PRMT2: variants seen among roughly 807,000 people sequenced by gnomAD.
PRMT2 encodes protein arginine N-methyltransferase 2.
PRMT2 carries 26 observed loss-of-function variants against 57.6 expected under a neutral mutation model. The observed-to-expected ratio is 0.45, with a 90% CI of 0.33 to 0.63. PRMT2 has a LOEUF of 0.63. Among genes scored for constraint, PRMT2 ranks in the 20% least tolerant of loss-of-function variants. The probability of loss-of-function intolerance (pLI) is 0.02; values close to 1 mark genes in which losing one functional copy is unlikely to be tolerated. For missense variants in PRMT2, 472 were observed against 564.4 expected (o/e 0.84, Z 1.66); for synonymous variants, 219 against 220.0 (o/e 1.00, Z 0.04).
rs146824165 is a variant in PRMT2, at chr21:46,644,416, G to A, written c.255G>A (p.Gly85=). The A allele has an allele frequency of 1.5e-4, 243 of 1,612,196 alleles. No homozygotes were observed. The highest frequency in any genetic ancestry group is 1.9e-4 in the Non-Finnish European group (223 of 1,179,302). Residue 85 remains glycine, a synonymous_variant, in exon 5 of 12, where the codon GGG becomes GGA. Coordinates refer to ENST00000355680, the MANE Select transcript of PRMT2 (RefSeq NM_206962.4). Reference sequence around the variant, plus strand: ...GGTACATTCCGGCAAACCATGTGGGGAAGCACGTGGATGAGTACGACCCCG... The same window carrying A: ...GGTACATTCCGGCAAACCATGTGGGAAAGCACGTGGATGAGTACGACCCCG... ...CCGYIPANHV[G]KHVDEYDPED...
intron 11 of PRMT2, 31 bp from the exon 12 acceptor site, chr21:46,664,264 T>G: frequency 6.6e-7 from 1 of 1,524,780 alleles, no homozygotes; most frequent in East Asian, 2.2e-5. Flanking sequence ...ATTTATCATC[T>G]GATTGACCTG....
At chr21:46,661,131 T>TCAC in intron 9 of PRMT2, 169 bp downstream of exon 9, 3 of 649,650 alleles carry the variant, frequency 4.6e-6, no homozygotes, top group Non-Finnish European at 7.0e-6. Flanking sequence ...CTACTGATTT[T>TCAC]TTCCAGTCTT....
chr21:46,651,937 C>A (rs369966297), intron 7 of PRMT2: 9 of 1,613,182 alleles, frequency 5.6e-6, no homozygotes, highest in Non-Finnish European at 7.6e-6. Context: ...TCCTTGCCTG[C>A]TGTCTGCCTG....
intron 3 of PRMT2, among the ~76,000 whole-genome samples, chr21:46,642,237 TGAAA>T (rs1248072912): frequency 4.6e-5 from 7 of 152,356 alleles, no homozygotes; most frequent in African/African-American, 1.7e-4. Flanking sequence ...TGATTTATGT[TGAAA>T]GAAGTTCATC....
At chr21:46,647,768 A>G (rs995888262) in intron 5 of PRMT2, among the ~76,000 whole-genome samples, 5 of 152,242 alleles carry the variant, frequency 3.3e-5, no homozygotes, top group Non-Finnish European at 7.3e-5. Context: ...TATGCCCACA[A>G]ATCTCCAGCG....
chr21:46,664,288 T>C lies in PRMT2; in HGVS notation c.1270-7T>C. The stretch of plus-strand genomic sequence containing the variant: ...CTGATTGACCTGTTGTCATTTATCT[T>C]TTTCAGGTTGGAGAAAAAGTCTTCC... On this transcript the variant is annotated splice_polypyrimidine_tract_variant and splice_region_variant and intron_variant, in intron 11 of 11. Coordinates refer to ENST00000355680, the MANE Select transcript of PRMT2 (RefSeq NM_206962.4). The C allele has an allele frequency of 6.2e-7, 1 of 1,607,208 alleles. No individual in the cohort carries two copies.
At chr21:46,644,869 GAT>G (rs1251209738) in intron 5 of PRMT2, among the ~76,000 whole-genome samples, 2 of 152,084 alleles carry the variant, frequency 1.3e-5, no homozygotes, top group African/African-American at 4.8e-5. Flanking sequence ...CTGGCTTAGA[GAT>G]ATGATTTGAG....
In PRMT2 at chr21:46,648,658, G is replaced by A. The variant is rs369870403; in HGVS notation, c.489+39G>A. ...CGAGCGCATCCCGGGTGTTTGTGCC[G>A]AGGCTGGTGACGTCCGAGGTGGCCT... On this transcript the variant is annotated intron_variant, in intron 6 of 11. Transcript: ENST00000355680. The surrounding 1 kb of genome is among the most constrained non-coding windows in gnomAD (Gnocchi z 4.8). The A allele has an allele frequency of 6.2e-6, 10 of 1,601,340 alleles. No individual in the cohort carries two copies. The highest frequency in any genetic ancestry group is 2.7e-5 in the African/African-American group (2 of 74,714).
At chr21:46,637,102 GC>G in intron 3 of PRMT2, 112 bp downstream of exon 3, 1 of 1,061,744 alleles carries the variant, frequency 9.4e-7, no homozygotes, top group South Asian at 1.4e-5. Flanking sequence ...TTGGAAGGTG[GC>G]CACCGGCAGT....
At chr21:46,663,222 T>G (rs1454601998) in intron 10 of PRMT2, among the ~76,000 whole-genome samples, 161 bp from the exon 11 acceptor site, 1 of 152,214 alleles carries the variant, frequency 6.6e-6, no homozygotes, top group East Asian at 1.9e-4. Flanking sequence ...TGAGTTAGCC[T>G]GAAAAGCCAA....
At chr21:46,659,015 G>T (rs2061581496) in intron 8 of PRMT2, 95 bp downstream of exon 8, 1 of 1,487,180 alleles carries the variant, frequency 6.7e-7, no homozygotes, top group Non-Finnish European at 9.0e-7. Flanking sequence ...CCATACGACG[G>T]TTGGATAAAT....
At position 46,649,801 on chromosome 21, in the gene PRMT2, G is replaced by A. The variant is rs773978142; in HGVS notation, c.654+62G>A. On this transcript the variant is annotated intron_variant, in intron 7 of 11. Coordinates refer to ENST00000355680, the MANE Select transcript of PRMT2 (RefSeq NM_206962.4). The surrounding 1 kb of genome is among the most constrained non-coding windows in gnomAD (Gnocchi z 4.8). The stretch of plus-strand genomic sequence containing the variant: ...TGGGGGGCTTCTGAGCACGGGCTCG[G>A]CTGGGCCAACCTCAGGATCTCAAGG... 28 of 1,573,206 alleles carry A rather than the reference G, an allele frequency of 1.8e-5. No individual in the cohort carries two copies. In the South Asian group the frequency reaches 3.2e-4, roughly 18 times the overall value.
At chr21:46,642,289 A>G (rs1321985097) in intron 3 of PRMT2, among the ~76,000 whole-genome samples, 2 of 152,248 alleles carry the variant, frequency 1.3e-5, no homozygotes, top group Admixed American at 6.5e-5. Context: ...GAAAAGTCTA[A>G]ATGTACAAGA....
intron 3 of PRMT2, among the ~76,000 whole-genome samples, chr21:46,641,964 A>G (rs919989638): frequency 6.6e-6 from 1 of 152,186 alleles, no homozygotes; most frequent in Non-Finnish European, 1.5e-5. Context: ...AGATGCCAGC[A>G]AGTATTTTAA....
rs145632583 is a variant in PRMT2 at position 46,648,919 on chromosome 21, A to T, written c.489+300A>T. Among the ~76,000 whole-genome samples, 64 of 152,276 alleles carry T rather than the reference A, an allele frequency of 4.2e-4. No homozygotes were observed. In the East Asian group the frequency reaches 0.012, roughly 28 times the overall value. Reference sequence around the variant, plus strand: ...GCGGGGTATGTTCTGTGAGACGTTTATTTCAGTTGAGTAGAGAAACACGTG... The same window carrying T: ...GCGGGGTATGTTCTGTGAGACGTTTTTTTCAGTTGAGTAGAGAAACACGTG... On this transcript the variant is annotated intron_variant, in intron 6 of 11. Coordinates refer to ENST00000355680, the MANE Select transcript of PRMT2 (RefSeq NM_206962.4). The surrounding 1 kb of genome is among the most constrained non-coding windows in gnomAD (Gnocchi z 4.8).
At position 46,664,720 on chromosome 21, in the gene PRMT2, T is replaced by G; in HGVS notation, c.*393T>G. ...CAGTGACTGTCCCCACCTCCTATGT[T>G]AGTGGTGCCCTTACTGCCGTCGCTC... is the stretch of plus-strand genomic sequence containing the variant. On this transcript the variant is annotated 3_prime_UTR_variant, in exon 12 of 12. Transcript: ENST00000355680. The G allele has an allele frequency of 4.0e-6, 1 of 250,404 alleles. No individual in the cohort carries two copies. The highest frequency in any genetic ancestry group is 2.2e-5 in the African/African-American group (1 of 46,408). The allele number at this position is 250,404 out of a possible 1,614,324, so 15.5% of individuals were successfully genotyped here. A position where few individuals can be genotyped will look rare whatever the true frequency, so the allele number is the denominator to read the frequency against.
At chr21:46,654,190 T>A (rs2148992638) in intron 7 of PRMT2, 1 of 938,996 alleles carries the variant, frequency 1.1e-6, no homozygotes, top group Non-Finnish European at 1.3e-6. Flanking sequence ...TTAAAAAATG[T>A]TCATGGCAGC....
At chr21:46,656,853 A>G (rs2148995937) in intron 7 of PRMT2, 1 of 152,262 alleles carries the variant, frequency 6.6e-6, no homozygotes, top group South Asian at 2.1e-4. Flanking sequence ...ACTGCTCTGC[A>G]AAAGGATGAT....
In PRMT2 at chr21:46,649,830, G is replaced by A. The variant is rs772115639; in HGVS notation, c.654+91G>A. On this transcript the variant is annotated intron_variant, in intron 7 of 11. Coordinates refer to ENST00000355680, the MANE Select transcript of PRMT2 (RefSeq NM_206962.4). This position sits in a 1 kb window ranked among gnomAD's most constrained non-coding sequence, Gnocchi z 4.8. ...GGCCAACCTCAGGATCTCAAGGGTC[G>A]TGCGTGATTCATTTTGATGTTTTCC... The A allele has an allele frequency of 1.4e-4, 210 of 1,542,050 alleles. No individual in the cohort carries two copies. Among genetic ancestry groups the A allele is most frequent in the Non-Finnish European group, 1.7e-4 (190 of 1,138,572 alleles).
Sources: allele counts gnomAD v4.1 joint callset (sites outside exome capture counted in the v4.1 genomes callset), GRCh38; gene constraint gnomAD v4.1.1; non-coding constraint Gnocchi (gnomAD v3.1); transcripts MANE v1.5; gene names NCBI Gene and HGNC (gene_info 2026-07-23, HGNC 2026-07-21).